HIPK2: variants seen among roughly 807,000 people sequenced by gnomAD.
The protein encoded by HIPK2 is homeodomain-interacting protein kinase 2.
HIPK2 carries 27 observed loss-of-function variants against 113.7 expected under a neutral mutation model. The ratio of observed to expected loss-of-function variants is 0.24; its 90% CI spans 0.17 to 0.33. The LOEUF (loss-of-function observed/expected upper bound fraction) is 0.33. Ranked by LOEUF, HIPK2 falls within the 10% of genes least tolerant of loss-of-function variation. HIPK2 has a pLI of 1.00. For synonymous variants in HIPK2, 631 were observed against 642.2 expected (o/e 0.98, Z 0.26); for missense variants, 1,257 against 1,588.0 (o/e 0.79, Z 3.54).
At chr7:139,578,476 C>A (rs189394972) in intron 13 of HIPK2, among the ~76,000 whole-genome samples, 5 of 152,098 alleles carry the variant, frequency 3.3e-5, no homozygotes, top group Non-Finnish European at 7.3e-5. Context: ...AAGAACCAGA[C>A]TGAGGAAGAC....
At chr7:139,704,224 CACT>C (rs1794817706) in intron 2 of HIPK2, among the ~76,000 whole-genome samples, 1 of 52,086 alleles carries the variant, frequency 1.9e-5, no homozygotes, top group African/African-American at 8.7e-5. Context: ...ACCCAACACA[CACT>C]ACACCCAACA....
chr7:139,687,368 AACC>A (rs1794256802), intron 2 of HIPK2, among the ~76,000 whole-genome samples: 1 of 152,220 alleles, frequency 6.6e-6, no homozygotes, highest in Non-Finnish European at 1.5e-5. Flanking sequence ...ATGCACTAAG[AACC>A]ACAATAATGC....
Position 139,570,582 on chromosome 7 carries a change from G to A in HIPK2, c.*2345C>T, listed in dbSNP as rs898207237. 3.9e-5 allele frequency: 6 copies of A among 152,414 alleles called. No homozygotes were observed. The highest frequency in any genetic ancestry group is 4.1e-4 in the South Asian group (2 of 4,824). 9.4% of individuals were successfully genotyped at this position (152,414 alleles called of 1,614,324 possible). On this transcript the variant is annotated 3_prime_UTR_variant, in exon 15 of 15. Coordinates refer to ENST00000406875, the MANE Select transcript of HIPK2 (RefSeq NM_022740.5). ...AGTTTGGGGACCTGTTTCTTTATAA[G>A]TAAGAATTTATGGTTGGGGTGGGGA...
At chr7:139,707,807 T>C (rs933844828) in intron 2 of HIPK2, among the ~76,000 whole-genome samples, 1 of 152,208 alleles carries the variant, frequency 6.6e-6, no homozygotes, top group Non-Finnish European at 1.5e-5. Context: ...CAGCAGCTCC[T>C]TGGCAGTGAG....
intron 2 of HIPK2, among the ~76,000 whole-genome samples, chr7:139,632,372 G>A (rs951127127): frequency 1.3e-5 from 2 of 152,132 alleles, no homozygotes; most frequent in Non-Finnish European, 2.9e-5. Context: ...CCAAAATAAC[G>A]GGATTAAGTC....
At chr7:139,665,692 A>C (rs76129084) in intron 2 of HIPK2, among the ~76,000 whole-genome samples, 24,043 of 151,744 alleles carry the variant, frequency 0.16, 2,275 homozygotes, top group East Asian at 0.41. Context: ...TATATTACCA[A>C]ACTCCTCCCC....
chr7:139,652,256 T>TG (rs918104193), intron 2 of HIPK2, among the ~76,000 whole-genome samples: 1 of 152,122 alleles, frequency 6.6e-6, no homozygotes, highest in African/African-American at 2.4e-5. Context: ...AGTGCTGGGC[T>TG]GGGGGAGAAT....
chr7:139,602,488 G>T (rs553488837), intron 10 of HIPK2, among the ~76,000 whole-genome samples: 3 of 152,232 alleles, frequency 2.0e-5, no homozygotes, highest in Admixed American at 6.5e-5. Context: ...AAGGAGGGAG[G>T]AGGAATAAGA....
chr7:139,573,139 G>A lies in HIPK2; in HGVS notation c.3385C>T (p.His1129Tyr). ...HLVASQGSAR[H>Y]TVQHTAYPAS... ...GGGTAGGCAGTGTGCTGCACGGTGT[G>A]GCGCGCAGAGCCTTGCGAGGCCACC... Residue 1129 changes from histidine to tyrosine, a missense_variant, in exon 15 of 15, where the codon CAC (histidine) becomes TAC (tyrosine). Around this residue, in one of 5 missense-constraint regions of HIPK2, gnomAD observed 862 missense variants for 1,004.3 expected, o/e 0.86. Coordinates refer to ENST00000406875, the MANE Select transcript of HIPK2 (RefSeq NM_022740.5). 2 of 1,611,678 alleles carry A rather than the reference G, an allele frequency of 1.2e-6. No homozygotes were observed. The highest frequency in any genetic ancestry group is 1.7e-6 in the Non-Finnish European group (2 of 1,179,350).
intron 13 of HIPK2, among the ~76,000 whole-genome samples, chr7:139,579,856 G>A (rs1023606950): frequency 3.9e-5 from 6 of 152,084 alleles, no homozygotes; most frequent in African/African-American, 1.4e-4. Context: ...GGAATCCCTC[G>A]AGTAGGTACG....
chr7:139,637,676 G>A (rs943522225), intron 2 of HIPK2, among the ~76,000 whole-genome samples: 4 of 152,166 alleles, frequency 2.6e-5, no homozygotes, highest in African/African-American at 7.2e-5. Flanking sequence ...TGAGGGCAGC[G>A]CAGGCATTCG....
chr7:139,773,987 T>C (rs1796696506), intron 1 of HIPK2, among the ~76,000 whole-genome samples: 1 of 152,158 alleles, frequency 6.6e-6, no homozygotes, highest in South Asian at 2.1e-4. Context: ...AGAAATTCTC[T>C]ACCTGAAACC....
chr7:139,699,611 G>T (rs1794652525), intron 2 of HIPK2, among the ~76,000 whole-genome samples: 2 of 152,200 alleles, frequency 1.3e-5, no homozygotes, highest in African/African-American at 4.8e-5. Flanking sequence ...CAGCTGGGGA[G>T]GGTGGAGCTG....
At chr7:139,724,282 C>G in intron 1 of HIPK2, among the ~76,000 whole-genome samples, 1 of 152,076 alleles carries the variant, frequency 6.6e-6, no homozygotes, top group Non-Finnish European at 1.5e-5. Flanking sequence ...CATTGACATA[C>G]TAAATAATAT....
At chr7:139,594,087 G>T (rs1037705368) in intron 12 of HIPK2, among the ~76,000 whole-genome samples, 2 of 152,058 alleles carry the variant, frequency 1.3e-5, no homozygotes, top group Admixed American at 1.3e-4. Context: ...TGCCTTGGAG[G>T]CTCTGCCCCA....
chr7:139,682,623 C>T (rs1794081693), intron 2 of HIPK2, among the ~76,000 whole-genome samples: 1 of 152,198 alleles, frequency 6.6e-6, no homozygotes, highest in African/African-American at 2.4e-5. Flanking sequence ...CATCTCCTCC[C>T]CACAGCACCC....
chr7:139,632,134 C>A (rs1327730266), intron 2 of HIPK2, among the ~76,000 whole-genome samples: 3 of 152,176 alleles, frequency 2.0e-5, no homozygotes, highest in Non-Finnish European at 4.4e-5. Flanking sequence ...AAACGCAGGT[C>A]TTCTATTTTC....
At chr7:139,641,524 C>T (rs1311141739) in intron 2 of HIPK2, among the ~76,000 whole-genome samples, 1 of 152,196 alleles carries the variant, frequency 6.6e-6, no homozygotes, top group African/African-American at 2.4e-5. Flanking sequence ...ACTGAAAAGA[C>T]AGCCATGCGC....
chr7:139,596,736 GTTCCTCCTCCTCGTCCGTGT>G lies in HIPK2; in HGVS notation c.2678_2697del (p.Asp893AlafsTer52). 6.2e-7 allele frequency: 1 copy of G among 1,611,852 alleles called. No individual in the cohort carries two copies. The highest frequency in any genetic ancestry group is 8.5e-7 in the Non-Finnish European group (1 of 1,178,002). On this transcript the variant is annotated frameshift_variant, in exon 12 of 15. Transcript: ENST00000406875. LOFTEE classifies it high-confidence loss of function. ...CCTCACCTGGTGGGGGCGTGTTTCT[GTTCCTCCTCCTCGTCCGTGT>G]CACTGCTGATGGTGATGACGCTGAC...
Sources: gnomAD v4.1 joint callset for allele counts (sites outside exome capture counted in the v4.1 genomes callset) on GRCh38, gnomAD v4.1.1 for gene constraint, gnomAD v4.1.1 regional missense constraint, MANE v1.5 for transcripts, NCBI Gene and HGNC (gene_info 2026-07-23, HGNC 2026-07-21) for gene names.